CBFB: variants seen among roughly 807,000 people sequenced by gnomAD.
CBFB encodes CBF-beta.
In CBFB, 9 loss-of-function variants were observed where a neutral mutation model predicts 30.4. That is an observed-to-expected ratio of 0.30 (90% confidence interval 0.18 to 0.52). The LOEUF is 0.52. Ranked by LOEUF, CBFB falls within the 20% of genes least tolerant of loss-of-function variation. The pLI is 0.97. For missense variants in CBFB, 170 were observed against 244.0 expected (o/e 0.70, Z 2.02); for synonymous variants, 94 against 84.0 (o/e 1.12, Z -0.65).
chr16:67,047,407 C>T (rs886948838), intron 3 of CBFB, among the ~76,000 whole-genome samples: 5 of 152,096 alleles, frequency 3.3e-5, no homozygotes, highest in Non-Finnish European at 7.4e-5. Context: ...GATGAAAAAC[C>T]TTTTACCCAT....
rs935506037 is a variant in CBFB, at chr16:67,030,669, G to C, written c.165+856G>C. Among the ~76,000 whole-genome samples, 20 of 152,144 alleles carry C rather than the reference G, an allele frequency of 1.3e-4. 1 individual carries two copies. The South Asian group carries it at 4.1e-3, about 32-fold the overall frequency. ...GGCTGGAGTACAGTGGCTCGATCTC[G>C]GGTCACTGCAACCTTCGCCTCCTGG... On this transcript the variant is annotated intron_variant, in intron 2 of 5. Transcript: ENST00000412916.
chr16:67,079,990 C>T (rs1353046432), intron 4 of CBFB, among the ~76,000 whole-genome samples: 3 of 152,018 alleles, frequency 2.0e-5, no homozygotes, highest in East Asian at 1.9e-4. Flanking sequence ...CCCAGCTACT[C>T]GGGAGGCTGA....
intron 3 of CBFB, among the ~76,000 whole-genome samples, chr16:67,063,094 T>G (rs557362542): frequency 6.2e-4 from 95 of 152,258 alleles, no homozygotes; most frequent in Non-Finnish European, 1.1e-3. Context: ...TTCACTGAGA[T>G]GAAATAAGGG....
chr16:67,058,535 G>T (rs1435718191), intron 3 of CBFB, among the ~76,000 whole-genome samples: 1 of 152,096 alleles, frequency 6.6e-6, no homozygotes, highest in African/African-American at 2.4e-5. Flanking sequence ...TTTTGGGTGG[G>T]TGAAATAAAT....
intron 3 of CBFB, among the ~76,000 whole-genome samples, chr16:67,047,951 C>G (rs1043370804): frequency 6.6e-6 from 1 of 152,112 alleles, no homozygotes; most frequent in Non-Finnish European, 1.5e-5. Context: ...TGCCTCTGGT[C>G]CCAGCTGCTC....
intron 5 of CBFB, among the ~76,000 whole-genome samples, chr16:67,090,964 G>A (rs1399051176): frequency 6.6e-6 from 1 of 152,022 alleles, no homozygotes; most frequent in Non-Finnish European, 1.5e-5. Context: ...TTAAATTTCC[G>A]AAGACTTCAG....
At chr16:67,085,867 A>G (rs984794744) in intron 5 of CBFB, among the ~76,000 whole-genome samples, 27 of 151,226 alleles carry the variant, frequency 1.8e-4, no homozygotes, top group Middle Eastern at 3.4e-3. Flanking sequence ...TTTAGTAGAG[A>G]CGGGGTTTCA....
At chr16:67,072,104 A>G (rs1426131098) in intron 4 of CBFB, among the ~76,000 whole-genome samples, 1 of 152,212 alleles carries the variant, frequency 6.6e-6, no homozygotes, top group Non-Finnish European at 1.5e-5. Flanking sequence ...ATAATTTGAT[A>G]TAGGATGAGA....
At chr16:67,061,860 C>T (rs1257653781) in intron 3 of CBFB, among the ~76,000 whole-genome samples, 2 of 151,988 alleles carry the variant, frequency 1.3e-5, no homozygotes, top group African/African-American at 4.8e-5. Flanking sequence ...GGTGAAACCC[C>T]GTCTCTACTG....
chr16:67,065,271 A>C (rs1337700261), intron 3 of CBFB, among the ~76,000 whole-genome samples: 1 of 152,216 alleles, frequency 6.6e-6, no homozygotes, highest in Non-Finnish European at 1.5e-5. Context: ...GGAATCTTGA[A>C]GATCTTTTTA....
chr16:67,098,167 C>G (rs1371017694), intron 5 of CBFB, among the ~76,000 whole-genome samples: 1 of 152,048 alleles, frequency 6.6e-6, no homozygotes, highest in Non-Finnish European at 1.5e-5. Flanking sequence ...TGGAATCTCA[C>G]TTATGTCGTC....
chr16:67,067,212 T>TA lies in CBFB; in HGVS notation c.399+431dup, dbSNP rs773186476. Reference sequence around the variant, plus strand: ...ATGATAAAACTTGACAAAAATTGTTTAAAAAAAAAAAAAAAAAGCTGGACG... The same window carrying TA: ...ATGATAAAACTTGACAAAAATTGTTTAAAAAAAAAAAAAAAAAAGCTGGACG... On this transcript the variant is annotated intron_variant, in intron 4 of 5. Coordinates refer to ENST00000412916, the MANE Select transcript of CBFB (RefSeq NM_022845.3). Among the ~76,000 whole-genome samples the TA allele has an allele frequency of 7.2e-3, 935 of 130,064 alleles. 5 individuals are homozygous for TA. Among genetic ancestry groups the TA allele is most frequent in the African/African-American group, 0.022 (779 of 35,622 alleles). 85.3% of individuals were successfully genotyped at this position (130,064 alleles called of 152,430 possible). A position where few individuals can be genotyped will look rare whatever the true frequency, so the allele number is the denominator to read the frequency against.
intron 3 of CBFB, 150 bp downstream of exon 3, chr16:67,036,905 A>T: frequency 2.0e-5 from 9 of 456,100 alleles, no homozygotes; most frequent in South Asian, 6.8e-5. Flanking sequence ...ATGTAATATA[A>T]TTTTTTTTTT....
At chr16:67,069,469 T>A (rs1399624609) in intron 4 of CBFB, among the ~76,000 whole-genome samples, 5 of 152,182 alleles carry the variant, frequency 3.3e-5, no homozygotes, top group Non-Finnish European at 7.4e-5. Flanking sequence ...CAAGAAAAAT[T>A]AACAGTCTTG....
chr16:67,090,009 C>T (rs567512932), intron 5 of CBFB, among the ~76,000 whole-genome samples: 1 of 152,192 alleles, frequency 6.6e-6, no homozygotes, highest in African/African-American at 2.4e-5. Flanking sequence ...GTCGAAGATA[C>T]TATTTTGCCA....
intron 5 of CBFB, among the ~76,000 whole-genome samples, chr16:67,091,849 T>G (rs1045478277): frequency 2.0e-5 from 3 of 151,538 alleles, no homozygotes; most frequent in Non-Finnish European, 2.9e-5. Flanking sequence ...TCATCTAGGT[T>G]TTGTTGTTGT....
At chr16:67,047,034 G>A (rs552802544) in intron 3 of CBFB, among the ~76,000 whole-genome samples, 3 of 152,062 alleles carry the variant, frequency 2.0e-5, no homozygotes, top group East Asian at 3.9e-4. Context: ...TTGAAGGGCC[G>A]GGCGCAGTAG....
chr16:67,081,808 C>T (rs894768526), intron 4 of CBFB, among the ~76,000 whole-genome samples: 1 of 150,236 alleles, frequency 6.7e-6, no homozygotes, highest in African/African-American at 2.5e-5. Flanking sequence ...AGTAACAGAG[C>T]GGGATGCTGT....
intron 2 of CBFB, among the ~76,000 whole-genome samples, chr16:67,034,969 T>C (rs1966416262): frequency 6.6e-6 from 1 of 152,226 alleles, no homozygotes; most frequent in Non-Finnish European, 1.5e-5. Context: ...AACTGAATTA[T>C]GCTTCAGGTC....
Sources: gnomAD v4.1 joint callset for allele counts (sites outside exome capture counted in the v4.1 genomes callset) on GRCh38, gnomAD v4.1.1 for gene constraint, MANE v1.5 for transcripts, NCBI Gene and HGNC (gene_info 2026-07-23, HGNC 2026-07-21) for gene names.